The following MLLT3 variants were observed in gnomAD, a reference collection of about 807,000 sequenced individuals.
MLLT3 encodes the protein MLLT3 super elongation complex subunit.
MLLT3 carries 4 observed loss-of-function variants against 53.2 expected under a neutral mutation model. The observed-to-expected ratio is 0.08, with a 90% CI of 0.04 to 0.17. The LOEUF is 0.17. Among genes scored for constraint, MLLT3 ranks in the 10% least tolerant of loss-of-function variants. The probability of loss-of-function intolerance (pLI) is 1.00; values close to 1 mark genes in which losing one functional copy is unlikely to be tolerated. For missense variants in MLLT3, 569 were observed against 684.0 expected, an observed-to-expected ratio of 0.83 and a Z score of 1.87; for synonymous variants, 283 against 230.6, an observed-to-expected ratio of 1.23 and a Z score of -2.06.
At chr9:20,510,446 A>G (rs1825505896) in intron 2 of MLLT3, among the ~76,000 whole-genome samples, 1 of 152,020 alleles carries the variant, frequency 6.6e-6, no homozygotes, top group Non-Finnish European at 1.5e-5. Context: ...CCTCATCTCT[A>G]TTAAAAATAC....
At chr9:20,547,450 C>T (rs1818816256) in intron 2 of MLLT3, among the ~76,000 whole-genome samples, 1 of 151,706 alleles carries the variant, frequency 6.6e-6, no homozygotes, top group Non-Finnish European at 1.5e-5. Flanking sequence ...TTACAACCAG[C>T]CCGGCCAACA....
intron 5 of MLLT3, among the ~76,000 whole-genome samples, chr9:20,386,866 C>T (rs1822049989): frequency 6.6e-6 from 1 of 152,120 alleles, no homozygotes; most frequent in Non-Finnish European, 1.5e-5. Flanking sequence ...CTATTTTATC[C>T]AGATATCCAC....
chr9:20,506,879 G>A (rs1041804113), intron 2 of MLLT3, among the ~76,000 whole-genome samples: 24 of 152,180 alleles, frequency 1.6e-4, no homozygotes, highest in African/African-American at 5.6e-4. Flanking sequence ...TCTACCAGTA[G>A]AAACCTAATT....
At chr9:20,580,779 T>C (rs1341799835) in intron 2 of MLLT3, among the ~76,000 whole-genome samples, 2 of 152,246 alleles carry the variant, frequency 1.3e-5, no homozygotes, top group Non-Finnish European at 2.9e-5. Flanking sequence ...AAATATTTAC[T>C]GTATTAGACG....
At chr9:20,491,016 A>T (rs1824934973) in intron 2 of MLLT3, among the ~76,000 whole-genome samples, 1 of 152,212 alleles carries the variant, frequency 6.6e-6, no homozygotes, top group Non-Finnish European at 1.5e-5. Flanking sequence ...TTCATTTTAA[A>T]GATCAGAAAA....
chr9:20,348,554 T>A (rs969094227), intron 10 of MLLT3, among the ~76,000 whole-genome samples: 2 of 152,176 alleles, frequency 1.3e-5, no homozygotes. Flanking sequence ...TTTAAGCCAC[T>A]ATCTCGACCA....
intron 2 of MLLT3, among the ~76,000 whole-genome samples, chr9:20,524,788 G>A (rs1818155993): frequency 6.6e-6 from 1 of 152,122 alleles, no homozygotes; most frequent in Admixed American, 6.5e-5. Flanking sequence ...GGCACTGCTT[G>A]CCTGAAGGTT....
At chr9:20,351,286 A>C (rs1454817938) in intron 10 of MLLT3, among the ~76,000 whole-genome samples, 1 of 152,242 alleles carries the variant, frequency 6.6e-6, no homozygotes, top group Admixed American at 6.5e-5. Flanking sequence ...CTACTCTCTT[A>C]GGAAACCTGG....
intron 2 of MLLT3, among the ~76,000 whole-genome samples, chr9:20,488,408 TCAAA>T (rs1456237893): frequency 6.6e-6 from 1 of 151,912 alleles, no homozygotes; most frequent in African/African-American, 2.4e-5. Flanking sequence ...AAACTAATAA[TCAAA>T]CTGATAATCT....
rs1563956740 is a variant in MLLT3, at chr9:20,414,318, GCTGCTGCTGCTGCTGCTGCTGCTGCTA to G, written c.501_527del (p.Ser182_Ser190del). 8.7e-6 allele frequency: 14 copies of G among 1,605,078 alleles called. No individual in the cohort carries two copies. The highest frequency in any genetic ancestry group is 1.0e-5 in the Non-Finnish European group (12 of 1,177,276). ...TGCTGCTACTGCTGCTGCTACTGCT[GCTGCTGCTGCTGCTGCTGCTGCTGCTA>G]CTGCTGCTGCTGCTGCTGCTGCTGC... On this transcript the variant is annotated inframe_deletion, in exon 5 of 11. Coordinates refer to ENST00000380338, the MANE Select transcript of MLLT3 (RefSeq NM_004529.4).
At chr9:20,532,756 C>A (rs192902342) in intron 2 of MLLT3, 5 of 268,958 alleles carry the variant, frequency 1.9e-5, no homozygotes, top group African/African-American at 2.3e-5. Flanking sequence ...GCAGAGCCAT[C>A]CTATTACAAG....
chr9:20,559,682 C>A (rs182412804), intron 2 of MLLT3, among the ~76,000 whole-genome samples: 8 of 152,274 alleles, frequency 5.3e-5, no homozygotes, highest in Admixed American at 5.2e-4. Context: ...TTGAGTGCCT[C>A]CTCCACCTGA....
rs542188189 is a variant in MLLT3 at position 20,492,488 on chromosome 9, C to T, written c.194-35702G>A. Among the ~76,000 whole-genome samples the T allele has an allele frequency of 1.4e-4, 21 of 151,750 alleles. No individual in the cohort carries two copies. In the East Asian group the frequency reaches 2.3e-3, roughly 17 times the overall value. ...TACAGTTTAAAATGAACTCAAGAGG[C>T]GATATAATTTCTTGAAAATATAGTT... On this transcript the variant is annotated intron_variant, in intron 2 of 10. Transcript: ENST00000380338.
chr9:20,483,969 C>T (rs1312184195), intron 2 of MLLT3, among the ~76,000 whole-genome samples: 1 of 151,966 alleles, frequency 6.6e-6, no homozygotes, highest in Non-Finnish European at 1.5e-5. Context: ...CCTTGGCCTC[C>T]CAAAGTGCTG....
chr9:20,552,827 T>A (rs1021048095), intron 2 of MLLT3, among the ~76,000 whole-genome samples: 1 of 152,260 alleles, frequency 6.6e-6, no homozygotes, highest in Admixed American at 6.5e-5. Flanking sequence ...CCACGTAGAA[T>A]CTACTTTTTC....
At chr9:20,617,552 C>G (rs1382145963) in intron 2 of MLLT3, among the ~76,000 whole-genome samples, 1 of 152,058 alleles carries the variant, frequency 6.6e-6, no homozygotes, top group Non-Finnish European at 1.5e-5. Context: ...ATACTAAAAA[C>G]AAAAACATTA....
chr9:20,450,948 G>A (rs554512421), intron 3 of MLLT3, among the ~76,000 whole-genome samples: 3 of 152,264 alleles, frequency 2.0e-5, no homozygotes, highest in South Asian at 2.1e-4. Context: ...TATATATAAT[G>A]TTTGACCCAG....
At chr9:20,351,796 T>C (rs1272145349) in intron 10 of MLLT3, among the ~76,000 whole-genome samples, 1 of 152,206 alleles carries the variant, frequency 6.6e-6, no homozygotes, top group Admixed American at 6.5e-5. Flanking sequence ...AGGTGGAGAA[T>C]AACATTAGTC....
intron 2 of MLLT3, among the ~76,000 whole-genome samples, chr9:20,577,615 T>C (rs1479183707): frequency 6.6e-6 from 1 of 152,186 alleles, no homozygotes; most frequent in Non-Finnish European, 1.5e-5. Context: ...GACTTGTCCA[T>C]TCAAATCCAT....
Sources: gnomAD v4.1 joint callset for allele counts (sites outside exome capture counted in the v4.1 genomes callset) on GRCh38, gnomAD v4.1.1 for gene constraint, MANE v1.5 for transcripts, NCBI Gene and HGNC (gene_info 2026-07-23, HGNC 2026-07-21) for gene names.